ZNF652: variants seen among roughly 807,000 people sequenced by gnomAD.
The protein encoded by ZNF652 is zinc finger protein 652.
Under a neutral mutation model 45.2 loss-of-function variants are expected in ZNF652, and 16 were observed. The ratio of observed to expected loss-of-function variants is 0.35; its 90% CI spans 0.24 to 0.54. The LOEUF (loss-of-function observed/expected upper bound fraction) is 0.54. ZNF652 is among the 20% of genes least tolerant of loss of function. The pLI is 0.91. For missense variants in ZNF652, 614 were observed against 765.6 expected (o/e 0.80, Z 2.34); for synonymous variants, 250 against 260.6 (o/e 0.96, Z 0.39).
intron 1 of ZNF652, among the ~76,000 whole-genome samples, chr17:49,354,736 CT>C (rs916912276): frequency 6.6e-6 from 1 of 151,150 alleles, no homozygotes; most frequent in African/African-American, 2.4e-5. Flanking sequence ...TTTTCTTTTT[CT>C]TTTTTTTGAG....
rs1021648274 is a variant in ZNF652, at chr17:49,297,445, T to G, written c.*968A>C. On this transcript the variant is annotated 3_prime_UTR_variant, in exon 6 of 6. Coordinates refer to ENST00000430262, the MANE Select transcript of ZNF652 (RefSeq NM_001145365.3). ...CTTCCCTGGAAAAGGCCCCATCCCC[T>G]GCAAATCATTTCATGTAATGCACTA... is the stretch of plus-strand genomic sequence containing the variant. 1.3e-5 allele frequency: 2 copies of G among 152,416 alleles called. No homozygotes were observed. Among genetic ancestry groups the G allele is most frequent in the African/African-American group, 4.8e-5 (2 of 41,438 alleles). The allele number at this position is 152,416 out of a possible 1,614,324, so 9.4% of individuals were successfully genotyped here.
chr17:49,353,628 C>T (rs1339071280), intron 1 of ZNF652, among the ~76,000 whole-genome samples: 1 of 152,074 alleles, frequency 6.6e-6, no homozygotes, highest in Non-Finnish European at 1.5e-5. Flanking sequence ...CCATACCAAC[C>T]CAATTTTTCT....
downstream of ZNF652, among the ~76,000 whole-genome samples, chr17:49,288,120 T>G (rs1188425370): frequency 6.6e-6 from 1 of 151,632 alleles, no homozygotes; most frequent in African/African-American, 2.4e-5. Flanking sequence ...GCACATATAT[T>G]TTTCTTGAAC....
chr17:49,362,162 G>GGCGGGGCGGGCAGC lies in ZNF652; in HGVS notation c.-526_-513dup, dbSNP rs1000143947. 1.3e-5 allele frequency: 2 copies of GGCGGGGCGGGCAGC among 150,648 alleles called. No individual in the cohort carries two copies. Among genetic ancestry groups the GGCGGGGCGGGCAGC allele is most frequent in the Non-Finnish European group, 3.0e-5 (2 of 67,234 alleles). 9.3% of individuals were successfully genotyped at this position (150,648 alleles called of 1,614,324 possible). The stretch of plus-strand genomic sequence containing the variant: ...CCAGCGCGCGAGGGCGAGCGGGGCC[G>GGCGGGGCGGGCAGC]GCGGGGCGGGCAGCGCGGGGCGGGC... On this transcript the variant is annotated 5_prime_UTR_variant, in exon 1 of 6. Coordinates refer to ENST00000430262, the MANE Select transcript of ZNF652 (RefSeq NM_001145365.3).
In ZNF652 at chr17:49,291,550, A is replaced by T. The variant is rs1722175364; in HGVS notation, c.*6863T>A. 1 of 152,200 alleles carries T rather than the reference A, an allele frequency of 6.6e-6. No individual in the cohort carries two copies. Among genetic ancestry groups the T allele is most frequent in the Non-Finnish European group, 1.5e-5 (1 of 68,040 alleles). 9.4% of individuals were successfully genotyped at this position (152,200 alleles called of 1,614,324 possible). A position where few individuals can be genotyped will look rare whatever the true frequency, so the allele number is the denominator to read the frequency against. On this transcript the variant is annotated 3_prime_UTR_variant, in exon 6 of 6. Coordinates refer to ENST00000430262, the MANE Select transcript of ZNF652 (RefSeq NM_001145365.3). ...TAACCTGCGACTGGAAAGCTATGGG[A>T]ACACTTCTCAGGGGCAGGAACTCCC...
chr17:49,345,066 G>A (rs897035947), intron 1 of ZNF652, among the ~76,000 whole-genome samples: 6 of 152,140 alleles, frequency 3.9e-5, no homozygotes, highest in African/African-American at 1.4e-4. Flanking sequence ...TGAGTCAGAG[G>A]GGCCCTAAGA....
chr17:49,317,519 T>G lies in ZNF652; in HGVS notation c.207A>C (p.Lys69Asn). 6.2e-7 allele frequency: 1 copy of G among 1,614,110 alleles called. No homozygotes were observed. Among genetic ancestry groups the G allele is most frequent in the South Asian group, 1.1e-5 (1 of 91,090 alleles). ...GTTCTTCTGTTTCATGGAGATGCGG[T>G]TTGCTCATCTTGGTGTCCACTAACA... is the stretch of plus-strand genomic sequence containing the variant. ...YSVLVDTKMS[K>N]PHLHETEEQP... Residue 69 changes from lysine (K) to asparagine (N), a missense_variant, in exon 2 of 6, where the codon AAA becomes AAC. By Grantham distance (94) the Lys-to-Asn change is moderately conservative (BLOSUM62 0). Coordinates refer to ENST00000430262, the MANE Select transcript of ZNF652 (RefSeq NM_001145365.3).
intron 2 of ZNF652, among the ~76,000 whole-genome samples, chr17:49,315,574 A>AC (rs1178745976): frequency 7.0e-6 from 1 of 143,290 alleles, no homozygotes; most frequent in Non-Finnish European, 1.5e-5. Context: ...AAAAAAAAAA[A>AC]CCCACAAAAC....
chr17:49,327,730 AATATATATATATATATATATATATATAT>A (rs68056731), intron 1 of ZNF652, among the ~76,000 whole-genome samples: 1 of 61,386 alleles, frequency 1.6e-5, no homozygotes, highest in African/African-American at 6.8e-5. Flanking sequence ...TAAATAAATA[AATATATATATATATATATATATATATAT>A]ATATATATAT....
In ZNF652 at chr17:49,335,743, T is replaced by C. The variant is rs182376846; in HGVS notation, c.-258-17760A>G. On this transcript the variant is annotated intron_variant, in intron 1 of 5. Transcript: ENST00000430262. ...CTTATGAATCTCAGTTTGGAGATACTTGGGTTAAGAAAACAGTCCACAGTC... is the reference window on the plus strand; with the variant it reads ...CTTATGAATCTCAGTTTGGAGATACCTGGGTTAAGAAAACAGTCCACAGTC... Among the ~76,000 whole-genome samples, 281 of 152,308 alleles carry C rather than the reference T, an allele frequency of 1.8e-3. 1 individual carries two copies. Among genetic ancestry groups the C allele is most frequent in the Non-Finnish European group, 3.0e-3 (201 of 68,034 alleles).
At chr17:49,335,423 C>A (rs1476201791) in intron 1 of ZNF652, among the ~76,000 whole-genome samples, 1 of 152,132 alleles carries the variant, frequency 6.6e-6, no homozygotes, top group Non-Finnish European at 1.5e-5. Context: ...TAATGTTCTA[C>A]AAGTTTGTGC....
At chr17:49,340,618 T>C (rs1017064037) in intron 1 of ZNF652, among the ~76,000 whole-genome samples, 4 of 151,014 alleles carry the variant, frequency 2.6e-5, no homozygotes, top group Admixed American at 1.3e-4. Flanking sequence ...GGTTAGTTCA[T>C]TAAGCTTTTA....
At chr17:49,348,762 G>C (rs1332666434) in intron 1 of ZNF652, among the ~76,000 whole-genome samples, 1 of 152,060 alleles carries the variant, frequency 6.6e-6, no homozygotes, top group Non-Finnish European at 1.5e-5. Flanking sequence ...GGGACAGGTA[G>C]GGAAGTGTAG....
intron 1 of ZNF652, among the ~76,000 whole-genome samples, chr17:49,327,728 TAA>T (rs1310324458): frequency 0.22 from 19,920 of 88,578 alleles, 2,790 homozygotes; most frequent in South Asian, 0.35. Flanking sequence ...TTTAAATAAA[TAA>T]ATATATATAT....
At chr17:49,360,105 T>C (rs539921820) in intron 1 of ZNF652, among the ~76,000 whole-genome samples, 109 of 152,322 alleles carry the variant, frequency 7.2e-4, no homozygotes, top group Admixed American at 9.1e-4. Flanking sequence ...TGAAAGACTC[T>C]CACATACATT....
chr17:49,311,230 G>T, intron 5 of ZNF652, 82 bp downstream of exon 5: 2 of 1,433,242 alleles, frequency 1.4e-6, no homozygotes, highest in South Asian at 3.0e-5. Context: ...TTGTGGTTTT[G>T]ATTTTTTTAA....
At chr17:49,356,361 G>A (rs1388043907) in intron 1 of ZNF652, among the ~76,000 whole-genome samples, 16 of 140,446 alleles carry the variant, frequency 1.1e-4, no homozygotes, top group African/African-American at 2.4e-4. Context: ...CCCGGGAGGC[G>A]GAGGCTGCAA....
chr17:49,346,294 T>C (rs1052268344), intron 1 of ZNF652, among the ~76,000 whole-genome samples: 2 of 152,256 alleles, frequency 1.3e-5, no homozygotes, highest in African/African-American at 4.8e-5. Context: ...CTAATGCCTG[T>C]AATCCCAGCA....
chr17:49,344,518 A>ATTTTT (rs35027750), intron 1 of ZNF652, among the ~76,000 whole-genome samples: 1 of 110,108 alleles, frequency 9.1e-6, no homozygotes, highest in Non-Finnish European at 1.9e-5. Flanking sequence ...TCAAAGCAAA[A>ATTTTT]TTTTTTTTTT....
Sources: gnomAD v4.1 joint callset for allele counts (sites outside exome capture counted in the v4.1 genomes callset) on GRCh38, gnomAD v4.1.1 for gene constraint, MANE v1.5 for transcripts, NCBI Gene and HGNC (gene_info 2026-07-23, HGNC 2026-07-21) for gene names.